The following HCRTR2 variants were observed in gnomAD, a reference collection of about 807,000 sequenced individuals.
The protein encoded by HCRTR2 is orexin receptor type 2.
Under a neutral mutation model 49.0 loss-of-function variants are expected in HCRTR2, and 22 were observed. That is an observed-to-expected ratio of 0.45 (90% confidence interval 0.32 to 0.64). The LOEUF (loss-of-function observed/expected upper bound fraction) is 0.64. HCRTR2 is among the 30% of genes least tolerant of loss of function. The pLI is 0.04. For synonymous variants in HCRTR2, 236 were observed against 205.3 expected, an observed-to-expected ratio of 1.15 and a Z score of -1.28; for missense variants, 491 against 559.4, an observed-to-expected ratio of 0.88 and a Z score of 1.23.
chr6:55,144,869 T>C (rs1764558005), intron 1 of HCRTR2, among the ~76,000 whole-genome samples: 1 of 152,162 alleles, frequency 6.6e-6, no homozygotes, highest in African/African-American at 2.4e-5. Flanking sequence ...TTAATATATA[T>C]CATTGTTTCT....
chr6:55,210,872 G>A (rs28525998), intron 1 of HCRTR2, among the ~76,000 whole-genome samples: 6,077 of 152,142 alleles, frequency 0.04, 151 homozygotes, highest in African/African-American at 0.068. Flanking sequence ...ATGTTGATTG[G>A]CATTGTTTTT....
At chr6:55,228,061 TA>T (rs1247245261) in intron 1 of HCRTR2, among the ~76,000 whole-genome samples, 1 of 152,106 alleles carries the variant, frequency 6.6e-6, no homozygotes, top group African/African-American at 2.4e-5. Flanking sequence ...AATTAAGACT[TA>T]TACAAATGCA....
At chr6:55,161,615 A>G (rs1272445233) in intron 1 of HCRTR2, among the ~76,000 whole-genome samples, 1 of 152,186 alleles carries the variant, frequency 6.6e-6, no homozygotes, top group African/African-American at 2.4e-5. Context: ...AAGAGAGAAG[A>G]ATTGTATAGA....
chr6:55,247,713 G>T (rs184221252), intron 1 of HCRTR2, among the ~76,000 whole-genome samples: 12 of 152,218 alleles, frequency 7.9e-5, no homozygotes, highest in Admixed American at 7.9e-4. Context: ...TGTTCTTTCA[G>T]TAAAGAGCAA....
chr6:55,161,176 A>C (rs927342499), intron 1 of HCRTR2, among the ~76,000 whole-genome samples: 1 of 152,216 alleles, frequency 6.6e-6, no homozygotes, highest in Non-Finnish European at 1.5e-5. Flanking sequence ...TGGAATAAGA[A>C]ACTCACTCAA....
At chr6:55,198,184 A>G (rs1168434677) in intron 1 of HCRTR2, among the ~76,000 whole-genome samples, 1 of 152,024 alleles carries the variant, frequency 6.6e-6, no homozygotes, top group Non-Finnish European at 1.5e-5. Context: ...GCTAAAACAA[A>G]CCCCAATCTG....
At chr6:55,115,194 AT>A (rs1195108240) in intron 1 of HCRTR2, among the ~76,000 whole-genome samples, 1 of 151,704 alleles carries the variant, frequency 6.6e-6, no homozygotes, top group East Asian at 1.9e-4. Context: ...TTATCCATGT[AT>A]ATTCTATTGA....
At chr6:55,269,737 T>C (rs1213946619) in intron 4 of HCRTR2, among the ~76,000 whole-genome samples, 2 of 152,064 alleles carry the variant, frequency 1.3e-5, no homozygotes, top group African/African-American at 4.8e-5. Context: ...GGCGGGAGGA[T>C]CACATGAGGC....
chr6:55,123,070 A>G (rs946860151), intron 1 of HCRTR2, among the ~76,000 whole-genome samples: 2 of 151,980 alleles, frequency 1.3e-5, no homozygotes, highest in Admixed American at 6.6e-5. Flanking sequence ...TACATATGTA[A>G]CAAACCTGCA....
intron 1 of HCRTR2, among the ~76,000 whole-genome samples, chr6:55,163,255 C>CA (rs56869294): frequency 0.1 from 11,264 of 111,016 alleles, 1,350 homozygotes; most frequent in East Asian, 0.54. Flanking sequence ...AACAAACAAA[C>CA]AACAAAAAAA....
upstream of HCRTR2, chr6:55,174,512 A>C: frequency 1.6e-6 from 2 of 1,264,584 alleles, no homozygotes; most frequent in East Asian, 4.6e-5. Context: ...AGCCTTTCCC[A>C]CCGCAAATCA....
At position 55,276,806 on chromosome 6, in the gene HCRTR2, C is replaced by T. The variant is rs140815816; in HGVS notation, c.763-574C>T. ...AAACTGATTTCAAACAATTTCATAACTACAAATAGTGAACAACAAAAAATA... is the reference window on the plus strand; with the variant it reads ...AAACTGATTTCAAACAATTTCATAATTACAAATAGTGAACAACAAAAAATA... On this transcript the variant is annotated intron_variant, in intron 4 of 6. Coordinates refer to ENST00000370862, the MANE Select transcript of HCRTR2 (RefSeq NM_001384272.1). Among the ~76,000 whole-genome samples, 11 of 152,266 alleles carry T rather than the reference C, an allele frequency of 7.2e-5. No homozygotes were observed. In the East Asian group the frequency reaches 2.1e-3, roughly 29 times the overall value.
chr6:55,211,078 G>T (rs1765688272), intron 1 of HCRTR2, among the ~76,000 whole-genome samples: 1 of 152,138 alleles, frequency 6.6e-6, no homozygotes, highest in African/African-American at 2.4e-5. Flanking sequence ...ATGCTGTACA[G>T]GTTTATAGCC....
intron 1 of HCRTR2, among the ~76,000 whole-genome samples, chr6:55,204,390 C>G (rs1456565477): frequency 6.6e-6 from 1 of 152,158 alleles, no homozygotes; most frequent in African/African-American, 2.4e-5. Flanking sequence ...CTTATTTCTC[C>G]ATTTTTCTAA....
chr6:55,205,170 G>C (rs1350064854), intron 1 of HCRTR2, among the ~76,000 whole-genome samples: 2 of 152,164 alleles, frequency 1.3e-5, no homozygotes, highest in Non-Finnish European at 2.9e-5. Context: ...GAGTTTTCTA[G>C]AGAAGTCTGG....
intron 1 of HCRTR2, among the ~76,000 whole-genome samples, chr6:55,149,146 T>C (rs1467058569): frequency 3.3e-5 from 5 of 152,108 alleles, no homozygotes; most frequent in Admixed American, 2.0e-4. Flanking sequence ...TTCTGTTCCC[T>C]GTCATTTCTT....
intron 1 of HCRTR2, among the ~76,000 whole-genome samples, chr6:55,155,834 A>C (rs1764723551): frequency 6.6e-6 from 1 of 152,060 alleles, no homozygotes; most frequent in Admixed American, 6.5e-5. Context: ...ATATATGAAC[A>C]AAGTTTGATT....
rs147879201 is a variant in HCRTR2, at chr6:55,253,766, C to A, written c.403-1370C>A. ...GCTGGAGGCCATTATCCTTAGCAAACAAATGCAGGAACAGAAAAGCAAATA... is the reference window on the plus strand; with the variant it reads ...GCTGGAGGCCATTATCCTTAGCAAAAAAATGCAGGAACAGAAAAGCAAATA... On this transcript the variant is annotated intron_variant, in intron 2 of 6. Transcript: ENST00000370862. 1.2e-3 allele frequency among the ~76,000 whole-genome samples: 176 copies of A among 152,188 alleles called. 1 individual carries two copies. Among genetic ancestry groups the A allele is most frequent in the African/African-American group, 4.1e-3 (170 of 41,520 alleles).
rs763420356 is a variant in HCRTR2 at position 55,174,822 on chromosome 6, C to T, written c.223+12C>T. ...TGGGAACGTCCTGGGTGAGTCTCCT[C>T]CCGGGCAGCCCTCCTAGGGGCTATC... On this transcript the variant is annotated intron_variant, in intron 1 of 6. Coordinates refer to ENST00000370862, the MANE Select transcript of HCRTR2 (RefSeq NM_001384272.1). The T allele has an allele frequency of 1.2e-6, 2 of 1,610,388 alleles. No homozygotes were observed. Among genetic ancestry groups the T allele is most frequent in the South Asian group, 2.2e-5 (2 of 91,008 alleles).
Sources: allele counts gnomAD v4.1 joint callset (sites outside exome capture counted in the v4.1 genomes callset), GRCh38; gene constraint gnomAD v4.1.1; transcripts MANE v1.5; gene names NCBI Gene and HGNC (gene_info 2026-07-23, HGNC 2026-07-21).